The following RRAGC variants were observed in gnomAD, a reference collection of about 807,000 sequenced individuals.
The protein encoded by RRAGC is ras-related GTP-binding protein C.
A neutral mutation model predicts 37.1 loss-of-function variants in RRAGC; 8 were observed. That is an observed-to-expected ratio of 0.22 (90% CI 0.13 to 0.39). The LOEUF is 0.39. RRAGC is among the 10% of genes least tolerant of loss of function. RRAGC has a pLI of 1.00. For missense variants in RRAGC, 342 were observed against 497.6 expected, an observed-to-expected ratio of 0.69 and a Z score of 2.98; for synonymous variants, 190 against 181.1, an observed-to-expected ratio of 1.05 and a Z score of -0.39.
intron 3 of RRAGC, among the ~76,000 whole-genome samples, chr1:38,853,953 A>G (rs6666393): frequency 0.95 from 145,028 of 152,162 alleles, 69,358 homozygotes; most frequent in African/African-American, 0.99. Flanking sequence ...GCTTGAGGTA[A>G]ATGGGGACAG....
chr1:38,859,454 G>T lies in RRAGC; in HGVS notation c.193C>A (p.Leu65Met). 6.5e-7 allele frequency: 1 copy of T among 1,548,394 alleles called. No individual in the cohort carries two copies. Among genetic ancestry groups the T allele is most frequent in the South Asian group, 1.2e-5 (1 of 83,992 alleles). Reference sequence around the variant, plus strand: ...CCGCTGCGCCGGAGTCCCATGAGCAGAATCCTCGGCTTGGAGCTGTCAGCG... The same window carrying T: ...CCGCTGCGCCGGAGTCCCATGAGCATAATCCTCGGCTTGGAGCTGTCAGCG... ...GGADSSKPRI[L>M]LMGLRRSGKS... Residue 65 changes from leucine (L) to methionine (M), a missense_variant, in exon 1 of 7, where the codon CTG (leucine) becomes ATG (methionine). Around this residue, in one of 3 missense-constraint regions of RRAGC, gnomAD observed 104 missense variants for 93.4 expected, o/e 1.11. Transcript: ENST00000373001.
At chr1:38,854,094 G>C (rs1444321024) in intron 3 of RRAGC, among the ~76,000 whole-genome samples, 1 of 132,614 alleles carries the variant, frequency 7.5e-6, no homozygotes, top group Non-Finnish European at 1.6e-5. Flanking sequence ...TTGAGACGGA[G>C]TCTTGCTCTG....
At chr1:38,842,203 C>T (rs1263482623) in intron 6 of RRAGC, among the ~76,000 whole-genome samples, 1 of 152,056 alleles carries the variant, frequency 6.6e-6, no homozygotes, top group South Asian at 2.1e-4. Flanking sequence ...ACCCGGGAGG[C>T]GGAGCTTGCA....
At chr1:38,845,714 C>T (rs753580755) in intron 6 of RRAGC, among the ~76,000 whole-genome samples, 4 of 151,614 alleles carry the variant, frequency 2.6e-5, no homozygotes, top group Admixed American at 6.6e-5. Context: ...AGCATTTGAA[C>T]GCAGAAAAGC....
chr1:38,855,483 T>C (rs1000159960), intron 3 of RRAGC, among the ~76,000 whole-genome samples: 1 of 152,156 alleles, frequency 6.6e-6, no homozygotes, highest in Non-Finnish European at 1.5e-5. Flanking sequence ...AAAGCACCAG[T>C]GGAAACACTT....
At chr1:38,853,437 C>G (rs1642126204) in intron 3 of RRAGC, among the ~76,000 whole-genome samples, 1 of 152,150 alleles carries the variant, frequency 6.6e-6, no homozygotes, top group South Asian at 2.1e-4. Flanking sequence ...AGACACAGAA[C>G]TTTATAGGTA....
chr1:38,848,835 T>TA (rs1182874433), intron 5 of RRAGC, among the ~76,000 whole-genome samples: 2 of 150,332 alleles, frequency 1.3e-5, no homozygotes, highest in Non-Finnish European at 3.0e-5. Context: ...AAAGTAAAAT[T>TA]AAAAAAACAA....
chr1:38,841,980 C>T (rs1404780097), intron 6 of RRAGC, among the ~76,000 whole-genome samples: 1 of 152,060 alleles, frequency 6.6e-6, no homozygotes, highest in Non-Finnish European at 1.5e-5. Flanking sequence ...ACTAAAAATA[C>T]AAAAAATTAG....
chr1:38,845,133 C>T (rs1570861589), intron 6 of RRAGC, among the ~76,000 whole-genome samples: 1 of 152,202 alleles, frequency 6.6e-6, no homozygotes, highest in South Asian at 2.1e-4. Context: ...GGGTATATAC[C>T]CAAGGGATTA....
intron 1 of RRAGC, among the ~76,000 whole-genome samples, chr1:38,858,495 C>G (rs1401246054): frequency 6.6e-6 from 1 of 152,126 alleles, no homozygotes; most frequent in Non-Finnish European, 1.5e-5. Context: ...GTCAGCAGTT[C>G]GAGATGACCC....
Position 38,851,647 on chromosome 1 carries a change from G to A in RRAGC, c.867C>T (p.Ile289=), listed in dbSNP as rs764907659. 4.5e-5 allele frequency: 71 copies of A among 1,571,640 alleles called. No individual in the cohort carries two copies. Among genetic ancestry groups the A allele is most frequent in the Non-Finnish European group, 5.7e-5 (66 of 1,165,256 alleles). Residue 289 remains isoleucine (I), a synonymous_variant, in exon 5 of 7, where the codon ATC becomes ATT. Coordinates refer to ENST00000373001, the MANE Select transcript of RRAGC (RefSeq NM_022157.4). ...TACAAGACACATCAATTACAACATC[G>A]ATCATGTCACAGCAAAGTTCATAAG... ...MQSYELCCDM[I]DVVIDVSCIY...
At chr1:38,848,480 T>C (rs1642054127) in intron 5 of RRAGC, among the ~76,000 whole-genome samples, 1 of 151,984 alleles carries the variant, frequency 6.6e-6, no homozygotes, top group South Asian at 2.1e-4. Context: ...CACACTAACA[T>C]GAGAAAGAAA....
At chr1:38,846,152 G>A in intron 5 of RRAGC, 65 bp from the exon 6 acceptor site, 1 of 1,267,386 alleles carries the variant, frequency 7.9e-7, no homozygotes, top group South Asian at 1.3e-5. Flanking sequence ...CATTTAATCT[G>A]CACAATGACA....
intron 6 of RRAGC, among the ~76,000 whole-genome samples, chr1:38,841,978 T>C (rs1408452701): frequency 6.6e-6 from 1 of 151,836 alleles, no homozygotes; most frequent in African/African-American, 2.4e-5. Context: ...CTACTAAAAA[T>C]ACAAAAAATT....
At chr1:38,841,888 G>T (rs905610951) in intron 6 of RRAGC, among the ~76,000 whole-genome samples, 1 of 152,192 alleles carries the variant, frequency 6.6e-6, no homozygotes, top group African/African-American at 2.4e-5. Flanking sequence ...TATAATCCCA[G>T]CGCTTTGGGA....
In RRAGC at chr1:38,851,772, T is replaced by C; in HGVS notation, c.757-15A>G. ...ATACCTGAATTCTTGGAAAAACAAA[T>C]GGGAAACTGTTCAGTATTTTTTAAG... On this transcript the variant is annotated splice_polypyrimidine_tract_variant and intron_variant, in intron 4 of 6. Coordinates refer to ENST00000373001, the MANE Select transcript of RRAGC (RefSeq NM_022157.4). The C allele has an allele frequency of 2.5e-6, 4 of 1,603,320 alleles. No individual in the cohort carries two copies. The highest frequency in any genetic ancestry group is 1.1e-5 in the South Asian group (1 of 89,544).
rs1238353397 is a variant in RRAGC at position 38,859,485 on chromosome 1, C to T, written c.162G>A (p.Pro54=). The T allele has an allele frequency of 1.3e-6, 2 of 1,547,942 alleles. No individual in the cohort carries two copies. The highest frequency in any genetic ancestry group is 1.4e-5 in the African/African-American group (1 of 73,088). ...VGAGAGGGCG[P]GGADSSKPRI... is the part of the protein sequence containing the mutation. ...TCGGCTTGGAGCTGTCAGCGCCCCC[C>T]GGACCACAGCCACCGCCTGCCCCTG... is the stretch of plus-strand genomic sequence containing the variant. The change falls in exon 1 of 7, where the codon CCG becomes CCA. Residue 54 remains proline (P), a synonymous_variant. Transcript: ENST00000373001.
chr1:38,854,396 C>T (rs1642141711), intron 3 of RRAGC, among the ~76,000 whole-genome samples: 1 of 152,008 alleles, frequency 6.6e-6, no homozygotes, highest in African/African-American at 2.4e-5. Context: ...CAACATTCTA[C>T]TGAAGTTAAC....
rs1641923129 is a variant in RRAGC at position 38,839,427 on chromosome 1, C to T, written c.*126G>A. 2 of 939,504 alleles carry T rather than the reference C, an allele frequency of 2.1e-6. No individual in the cohort carries two copies. The highest frequency in any genetic ancestry group is 1.6e-6 in the Non-Finnish European group (1 of 636,422). The allele number at this position is 939,504 out of a possible 1,614,324, so 58.2% of individuals were successfully genotyped here. ...GTTTTCATCCAAATGAGAAACTCTACCCCTTGTCTCTAGTGGAACAGGCAC... is the reference window on the plus strand; with the variant it reads ...GTTTTCATCCAAATGAGAAACTCTATCCCTTGTCTCTAGTGGAACAGGCAC... On this transcript the variant is annotated 3_prime_UTR_variant, in exon 7 of 7. Transcript: ENST00000373001.
Sources: gnomAD v4.1 joint callset for allele counts (sites outside exome capture counted in the v4.1 genomes callset) on GRCh38, gnomAD v4.1.1 for gene constraint, gnomAD v4.1.1 regional missense constraint, MANE v1.5 for transcripts, NCBI Gene and HGNC (gene_info 2026-07-23, HGNC 2026-07-21) for gene names.